DGKZ: variants seen among roughly 807,000 people sequenced by gnomAD.
DGKZ encodes the protein DAG kinase zeta.
A neutral mutation model predicts 142.5 loss-of-function variants in DGKZ; 45 were observed. The observed-to-expected ratio is 0.32, with a 90% CI of 0.25 to 0.40. The LOEUF is 0.40. Ranked by LOEUF, DGKZ falls within the 10% of genes least tolerant of loss-of-function variation. The pLI is 1.00. For synonymous variants in DGKZ, 442 were observed against 527.0 expected, an observed-to-expected ratio of 0.84 and a Z score of 2.21; for missense variants, 755 against 1,306.5, an observed-to-expected ratio of 0.58 and a Z score of 6.51.
At chr11:46,377,828 C>T (rs369637603) in intron 25 of DGKZ, 85 of 324,308 alleles carry the variant, frequency 2.6e-4, no homozygotes, top group Non-Finnish European at 4.2e-4. Flanking sequence ...CCCATCTTTC[C>T]GGAGCTCCCC....
At chr11:46,360,054 T>C (rs1421009165) in intron 1 of DGKZ, among the ~76,000 whole-genome samples, 1 of 152,210 alleles carries the variant, frequency 6.6e-6, no homozygotes, top group East Asian at 1.9e-4. Flanking sequence ...TAACTACATG[T>C]CTGTGTGAGG....
upstream of DGKZ, chr11:46,345,347 G>GCC (rs554550354): frequency 2.9e-5 from 40 of 1,388,980 alleles, no homozygotes; most frequent in Admixed American, 3.6e-5. This position sits in a 1 kb window ranked among gnomAD's most constrained non-coding sequence, Gnocchi z 4.1. Flanking sequence ...CCTCTAGCAG[G>GCC]CCCCCCCCTC....
At position 46,375,762 on chromosome 11, in the gene DGKZ, T is replaced by G; in HGVS notation, c.1911-89T>G. 3 of 1,515,828 alleles carry G rather than the reference T, an allele frequency of 2.0e-6. No homozygotes were observed. The African/African-American group carries it at 4.1e-5, about 21-fold the overall frequency. The allele number at this position is 1,515,828 out of a possible 1,614,324, so 93.9% of individuals were successfully genotyped here. On this transcript the variant is annotated intron_variant, in intron 20 of 30. Coordinates refer to ENST00000527911, the Ensembl canonical transcript of DGKZ. ...GGGGTGTTGGGAGTGGAGCGGGACCTTCTCTCGGCAAGTGGTTTGGTGCCA... is the reference window on the plus strand; with the variant it reads ...GGGGTGTTGGGAGTGGAGCGGGACCGTCTCTCGGCAAGTGGTTTGGTGCCA...
At chr11:46,345,480 A>G, upstream of DGKZ, 1 of 1,506,404 alleles carries the variant, frequency 6.6e-7, no homozygotes, top group Non-Finnish European at 8.9e-7. This position sits in a 1 kb window ranked among gnomAD's most constrained non-coding sequence, Gnocchi z 4.1. Flanking sequence ...GGCCCAGTGG[A>G]GGCGCTGGGG....
At chr11:46,377,498 G>T in intron 25 of DGKZ, 1 of 466,880 alleles carries the variant, frequency 2.1e-6, no homozygotes, top group Non-Finnish European at 3.7e-6. Context: ...CACCCCTACT[G>T]CCACCAGCCC....
intron 1 of DGKZ, among the ~76,000 whole-genome samples, chr11:46,350,929 C>T (rs977591782): frequency 1.3e-5 from 2 of 151,692 alleles, no homozygotes; most frequent in Non-Finnish European, 2.9e-5. Context: ...AACTGCATCC[C>T]ACCTTACTTC....
intron 1 of DGKZ, among the ~76,000 whole-genome samples, chr11:46,360,904 A>G (rs1383671984): frequency 6.6e-6 from 1 of 152,090 alleles, no homozygotes; most frequent in Non-Finnish European, 1.5e-5. Context: ...TCCAGTCAGG[A>G]TACATATAAC....
intron 1 of DGKZ, among the ~76,000 whole-genome samples, chr11:46,359,094 C>G (rs1942344089): frequency 6.7e-6 from 1 of 150,116 alleles, no homozygotes; most frequent in Admixed American, 6.7e-5. Context: ...GAACTGAGAT[C>G]GCAACACTGC....
intron 30 of DGKZ, 97 bp downstream of exon 30, chr11:46,379,665 A>C: frequency 2.2e-6 from 3 of 1,335,850 alleles, no homozygotes; most frequent in Non-Finnish European, 3.1e-6. Context: ...CCCTGGGAAG[A>C]CACAGTCCAG....
chr11:46,356,221 G>A (rs1942012339), intron 1 of DGKZ, among the ~76,000 whole-genome samples: 1 of 152,092 alleles, frequency 6.6e-6, no homozygotes, highest in Non-Finnish European at 1.5e-5. Flanking sequence ...GAGATATATT[G>A]GCATTCCCAT....
chr11:46,343,144 CA>C (rs1564993597), upstream of DGKZ, among the ~76,000 whole-genome samples: 1 of 150,902 alleles, frequency 6.6e-6, no homozygotes, highest in Non-Finnish European at 1.5e-5. Flanking sequence ...AAAAAAAAAG[CA>C]AAAAAAGGAG....
intron 1 of DGKZ, among the ~76,000 whole-genome samples, chr11:46,337,585 C>T (rs953047346): frequency 6.6e-6 from 1 of 151,988 alleles, no homozygotes; most frequent in African/African-American, 2.4e-5. Context: ...CATAAGCCAC[C>T]GCGCCCAGCC....
At chr11:46,365,409 A>G (rs1943135732) in intron 1 of DGKZ, 4 of 985,432 alleles carry the variant, frequency 4.1e-6, no homozygotes, top group Non-Finnish European at 4.8e-6. Context: ...AGTTCTTACC[A>G]TCAGCACTTC....
chr11:46,370,529 A>G (rs918929232), intron 6 of DGKZ, among the ~76,000 whole-genome samples: 5 of 152,306 alleles, frequency 3.3e-5, no homozygotes, highest in African/African-American at 4.8e-5. Flanking sequence ...CAGGCCTTTC[A>G]TAACAGCCTG....
rs1943161569 is a variant in DGKZ, at chr11:46,365,599, A to G, written c.162-1692A>G. On this transcript the variant is annotated intron_variant, in intron 1 of 30. Coordinates refer to ENST00000527911, the Ensembl canonical transcript of DGKZ. ...CTGAGCTACACATTAGACCCTCTCT[A>G]TTTCCAGGAGTCACCTTCAGCCTGA... 3 of 985,016 alleles carry G rather than the reference A, an allele frequency of 3.0e-6. No homozygotes were observed. In the Admixed American group the frequency reaches 1.8e-4, roughly 61 times the overall value. The allele number at this position is 985,016 out of a possible 1,614,324, so 61.0% of individuals were successfully genotyped here.
intron 1 of DGKZ, among the ~76,000 whole-genome samples, chr11:46,338,055 T>C (rs1322133195): frequency 6.6e-6 from 1 of 152,230 alleles, no homozygotes; most frequent in Non-Finnish European, 1.5e-5. Context: ...TCTGCCATTG[T>C]GGTGCAAAAG....
chr11:46,345,710 G>C, upstream of DGKZ: 2 of 977,786 alleles, frequency 2.0e-6, no homozygotes. The surrounding 1 kb of genome is among the most constrained non-coding windows in gnomAD (Gnocchi z 4.1). Context: ...CAGAGGCACA[G>C]AGTAGGGCAA....
intron 1 of DGKZ, among the ~76,000 whole-genome samples, chr11:46,357,780 G>A (rs192178985): frequency 1.8e-4 from 27 of 152,376 alleles, no homozygotes; most frequent in African/African-American, 6.0e-4. Context: ...GTGCGGAGCT[G>A]TGAGTAGGAG....
At chr11:46,352,481 C>G (rs1410624499) in intron 1 of DGKZ, among the ~76,000 whole-genome samples, 1 of 152,208 alleles carries the variant, frequency 6.6e-6, no homozygotes, top group Non-Finnish European at 1.5e-5. Context: ...GCCTCCTGGC[C>G]CCACCCCTCC....
Sources: gnomAD v4.1 joint callset for allele counts (sites outside exome capture counted in the v4.1 genomes callset) on GRCh38, gnomAD v4.1.1 for gene constraint, Gnocchi (gnomAD v3.1) non-coding constraint, MANE v1.5 for transcripts, NCBI Gene and HGNC (gene_info 2026-07-23, HGNC 2026-07-21) for gene names.